SLC9A9: variants seen among roughly 807,000 people sequenced by gnomAD.
SLC9A9 encodes the protein sodium/hydrogen exchanger 9.
Under a neutral mutation model 77.8 loss-of-function variants are expected in SLC9A9, and 62 were observed. That is an observed-to-expected ratio of 0.80 (90% CI 0.65 to 0.98). The LOEUF is 0.98. Ranked by LOEUF, SLC9A9 falls within the 50% of genes least tolerant of loss-of-function variation. SLC9A9 has a pLI of 0.00. For synonymous variants in SLC9A9, 320 were observed against 283.5 expected, an observed-to-expected ratio of 1.13 and a Z score of -1.29; for missense variants, 775 against 774.9, an observed-to-expected ratio of 1.00 and a Z score of 0.00.
At chr3:143,754,415 T>C (rs2108827182) in intron 4 of SLC9A9, among the ~76,000 whole-genome samples, 1 of 152,340 alleles carries the variant, frequency 6.6e-6, no homozygotes, top group East Asian at 1.9e-4. Context: ...GGTTTTCCTT[T>C]TCAAGCTCCC....
chr3:143,674,906 G>C (rs536394177), intron 5 of SLC9A9, among the ~76,000 whole-genome samples: 4 of 152,224 alleles, frequency 2.6e-5, no homozygotes, highest in African/African-American at 7.2e-5. Context: ...ACTCAGAAAA[G>C]CAAATATTTC....
chr3:143,791,074 A>G (rs966556606), intron 4 of SLC9A9, among the ~76,000 whole-genome samples: 1 of 152,226 alleles, frequency 6.6e-6, no homozygotes, highest in African/African-American at 2.4e-5. Flanking sequence ...GTTCCCCAAG[A>G]TGGAGGACAT....
At chr3:143,721,599 G>A (rs1262869134) in intron 4 of SLC9A9, among the ~76,000 whole-genome samples, 1 of 152,068 alleles carries the variant, frequency 6.6e-6, no homozygotes, top group Non-Finnish European at 1.5e-5. Context: ...GGAGGGTGGT[G>A]TATTATTGTG....
chr3:143,408,846 A>G (rs1489078541), intron 12 of SLC9A9, among the ~76,000 whole-genome samples: 1 of 152,222 alleles, frequency 6.6e-6, no homozygotes, highest in African/African-American at 2.4e-5. Flanking sequence ...AAAAAAATCA[A>G]GAATTGGGCC....
At chr3:143,346,181 T>C (rs1409803784) in intron 14 of SLC9A9, among the ~76,000 whole-genome samples, 2 of 152,282 alleles carry the variant, frequency 1.3e-5, no homozygotes, top group East Asian at 1.9e-4. Context: ...GTTGAAACTC[T>C]CTCAGCATAA....
chr3:143,491,254 A>G (rs1021342059), intron 11 of SLC9A9, among the ~76,000 whole-genome samples: 5 of 152,218 alleles, frequency 3.3e-5, no homozygotes, highest in Non-Finnish European at 5.9e-5. Flanking sequence ...TGGCATTCTC[A>G]TGAATTAAAC....
chr3:143,731,282 G>A (rs1934797671), intron 4 of SLC9A9, among the ~76,000 whole-genome samples: 1 of 152,204 alleles, frequency 6.6e-6, no homozygotes, highest in South Asian at 2.1e-4. Flanking sequence ...GAGGAAGAAA[G>A]GTTGCTGAGT....
intron 9 of SLC9A9, among the ~76,000 whole-genome samples, chr3:143,534,297 A>G (rs1364021088): frequency 6.6e-6 from 1 of 152,268 alleles, no homozygotes; most frequent in Non-Finnish European, 1.5e-5. Flanking sequence ...CAGCAAAGCT[A>G]CAAATCAAAT....
chr3:143,693,361 C>G (rs1933535769), intron 4 of SLC9A9, 54 bp from the exon 5 acceptor site: 1 of 1,383,338 alleles, frequency 7.2e-7, no homozygotes, highest in East Asian at 2.3e-5. Flanking sequence ...CTGTGTAAAC[C>G]CATGCTATCA....
At chr3:143,591,079 TGCCTGAGACG>T (rs796879010) in intron 6 of SLC9A9, among the ~76,000 whole-genome samples, 14 of 152,320 alleles carry the variant, frequency 9.2e-5, no homozygotes, top group African/African-American at 3.1e-4. Flanking sequence ...TATAAACAGC[TGCCTGAGACG>T]GCCTGAGGGA....
intron 5 of SLC9A9, among the ~76,000 whole-genome samples, chr3:143,660,732 A>G (rs2038965556): frequency 6.6e-6 from 1 of 152,236 alleles, no homozygotes; most frequent in Non-Finnish European, 1.5e-5. Flanking sequence ...TGGTTTTTCA[A>G]TATATGAGTT....
rs139347757 is a variant in SLC9A9 at position 143,764,971 on chromosome 3, T to TTTCCTTCCTTCCTTCCTTCC, written c.533+30010_533+30029dup. Among the ~76,000 whole-genome samples the TTTCCTTCCTTCCTTCCTTCC allele has an allele frequency of 5.4e-3, 802 of 147,332 alleles. 17 individuals are homozygous for TTTCCTTCCTTCCTTCCTTCC. Among genetic ancestry groups the TTTCCTTCCTTCCTTCCTTCC allele is most frequent in the African/African-American group, 0.019 (746 of 38,762 alleles). ...CTTCCTTCCTTTTTGTTTCTCTTTC[T>TTTCCTTCCTTCCTTCCTTCC]TTCCTTCCTTCCTTCCTTCCTTCCT... On this transcript the variant is annotated intron_variant, in intron 4 of 15. Transcript: ENST00000316549.
At chr3:143,374,684 C>T (rs1274484086) in intron 13 of SLC9A9, among the ~76,000 whole-genome samples, 4 of 151,634 alleles carry the variant, frequency 2.6e-5, no homozygotes, top group African/African-American at 9.7e-5. Flanking sequence ...TTATGGGGTA[C>T]ATGAGATGTT....
chr3:143,578,502 G>C (rs2037400166), intron 7 of SLC9A9, 83 bp downstream of exon 7: 1 of 1,600,040 alleles, frequency 6.2e-7, no homozygotes, highest in Non-Finnish European at 8.6e-7. Flanking sequence ...TTATGGGCCT[G>C]GAGGTTGTCC....
At chr3:143,812,949 T>G (rs921369286) in intron 2 of SLC9A9, among the ~76,000 whole-genome samples, 1 of 152,170 alleles carries the variant, frequency 6.6e-6, no homozygotes, top group African/African-American at 2.4e-5. Flanking sequence ...TTGTGTTGTA[T>G]TTTTTTAAAG....
chr3:143,345,286 C>A (rs1325532211), intron 14 of SLC9A9, among the ~76,000 whole-genome samples: 4 of 152,024 alleles, frequency 2.6e-5, no homozygotes, highest in African/African-American at 7.2e-5. Flanking sequence ...TGGATAGAAC[C>A]TTTATTAATT....
At chr3:143,290,206 C>G (rs1411464913) in intron 14 of SLC9A9, among the ~76,000 whole-genome samples, 1 of 152,144 alleles carries the variant, frequency 6.6e-6, no homozygotes, top group Non-Finnish European at 1.5e-5. Context: ...CCTGTACATA[C>G]TGTACATAAA....
intron 14 of SLC9A9, among the ~76,000 whole-genome samples, chr3:143,349,138 G>A (rs191859981): frequency 6.6e-6 from 1 of 152,166 alleles, no homozygotes; most frequent in Non-Finnish European, 1.5e-5. Context: ...GGAGTAACAC[G>A]CATGTAGCAG....
At chr3:143,595,804 G>A (rs895546117) in intron 6 of SLC9A9, among the ~76,000 whole-genome samples, 1 of 152,184 alleles carries the variant, frequency 6.6e-6, no homozygotes, top group Non-Finnish European at 1.5e-5. Flanking sequence ...TTTAATCCCC[G>A]ATCTGGCACT....
Sources: gnomAD v4.1 joint callset for allele counts (sites outside exome capture counted in the v4.1 genomes callset) on GRCh38, gnomAD v4.1.1 for gene constraint, MANE v1.5 for transcripts, NCBI Gene and HGNC (gene_info 2026-07-23, HGNC 2026-07-21) for gene names.